The following TRHDE variants were observed in gnomAD, a reference collection of about 807,000 sequenced individuals.
TRHDE encodes thyrotropin releasing hormone degrading enzyme.
In TRHDE, 72 loss-of-function variants were observed where a neutral mutation model predicts 125.7. The ratio of observed to expected loss-of-function variants is 0.57; its 90% CI spans 0.47 to 0.70. TRHDE has a LOEUF of 0.70. Among genes scored for constraint, TRHDE ranks in the 30% least tolerant of loss-of-function variants. TRHDE has a pLI of 0.00. For synonymous variants in TRHDE, 509 were observed against 509.1 expected, an observed-to-expected ratio of 1.00 and a Z score of 0.00; for missense variants, 1,110 against 1,327.1, an observed-to-expected ratio of 0.84 and a Z score of 2.54.
intron 6 of TRHDE, among the ~76,000 whole-genome samples, chr12:72,533,535 A>G (rs1868673499): frequency 6.6e-6 from 1 of 151,770 alleles, no homozygotes; most frequent in Non-Finnish European, 1.5e-5. Context: ...GAATATTCTT[A>G]TTTTAGTTTT....
intron 3 of TRHDE, among the ~76,000 whole-genome samples, chr12:72,392,169 A>G (rs185632505): frequency 2.0e-5 from 3 of 152,148 alleles, no homozygotes; most frequent in African/African-American, 7.2e-5. Context: ...CTATAAGAAA[A>G]TACATTTCTA....
chr12:72,129,222 A>T (rs532298824), intron 2 of TRHDE, among the ~76,000 whole-genome samples: 1 of 152,222 alleles, frequency 6.6e-6, no homozygotes, highest in African/African-American at 2.4e-5. Context: ...AAAGCTAAAA[A>T]AATTTATCAC....
At chr12:72,265,618 C>A (rs1879049429) in intron 2 of TRHDE, among the ~76,000 whole-genome samples, 1 of 149,364 alleles carries the variant, frequency 6.7e-6, no homozygotes, top group Non-Finnish European at 1.5e-5. Context: ...AGATCTAGTA[C>A]CTGAAGAAAA....
rs1869612489 is a variant in TRHDE, at chr12:72,331,825, G to C, written c.1188+44871G>C. Reference sequence around the variant, plus strand: ...TTGAATGACTAGAATGAGAAGCTGGGTTTAGAAATGATTTGACCAACTCTA... The same window carrying C: ...TTGAATGACTAGAATGAGAAGCTGGCTTTAGAAATGATTTGACCAACTCTA... On this transcript the variant is annotated intron_variant, in intron 2 of 18. Transcript: ENST00000261180. Among the ~76,000 whole-genome samples the C allele has an allele frequency of 2.0e-5, 3 of 152,188 alleles. No homozygotes were observed. The South Asian group carries it at 6.2e-4, about 32-fold the overall frequency.
chr12:72,338,863 G>C (rs1254105327), intron 2 of TRHDE, among the ~76,000 whole-genome samples: 1 of 152,092 alleles, frequency 6.6e-6, no homozygotes, highest in African/African-American at 2.4e-5. Context: ...TCAAGATATC[G>C]TAATCAACAT....
intron 2 of TRHDE, among the ~76,000 whole-genome samples, chr12:72,244,535 T>A (rs1460666927): frequency 6.8e-6 from 1 of 147,508 alleles, no homozygotes; most frequent in East Asian, 2.0e-4. Context: ...CTTTTTTGTT[T>A]GCTAATTATA....
At position 72,515,487 on chromosome 12, in the gene TRHDE, CTGTT is replaced by C. The variant is rs1259860585; in HGVS notation, c.1722+15858_1722+15861del. ...TTTGCTCACTTTTTGATGGGGATGTCTGTTTGTTTTTTTTGTAAATTTGTTTGAC... is the reference window on the plus strand; with the variant it reads ...TTTGCTCACTTTTTGATGGGGATGTCTGTTTTTTTTGTAAATTTGTTTGAC... On this transcript the variant is annotated intron_variant, in intron 6 of 18. Transcript: ENST00000261180. Among the ~76,000 whole-genome samples, 11 of 151,930 alleles carry C rather than the reference CTGTT, an allele frequency of 7.2e-5. 1 individual carries two copies. The highest frequency in any genetic ancestry group is 1.9e-4 in the East Asian group (1 of 5,146).
intron 6 of TRHDE, among the ~76,000 whole-genome samples, chr12:72,502,639 T>C (rs747205838): frequency 6.6e-6 from 1 of 152,118 alleles, no homozygotes; most frequent in Non-Finnish European, 1.5e-5. Context: ...TAGTGTTAGC[T>C]AGAGTGTTCT....
At chr12:72,526,703 A>T (rs1308814800) in intron 6 of TRHDE, among the ~76,000 whole-genome samples, 1 of 152,128 alleles carries the variant, frequency 6.6e-6, no homozygotes, top group East Asian at 1.9e-4. Flanking sequence ...GTTATGTTTC[A>T]GCTGAATGTA....
At chr12:72,567,658 C>A (rs186026527) in intron 9 of TRHDE, among the ~76,000 whole-genome samples, 3 of 152,074 alleles carry the variant, frequency 2.0e-5, no homozygotes, top group Admixed American at 2.0e-4. Flanking sequence ...TCTTGTCTTA[C>A]ATTTCTAAAA....
intron 3 of TRHDE, among the ~76,000 whole-genome samples, chr12:72,410,456 A>G (rs1358527519): frequency 6.6e-6 from 1 of 152,156 alleles, no homozygotes; most frequent in Non-Finnish European, 1.5e-5. Flanking sequence ...AGGTAAAATC[A>G]TAGGTCTTTC....
chr12:72,598,334 G>A (rs927595769), intron 12 of TRHDE, among the ~76,000 whole-genome samples: 3 of 152,144 alleles, frequency 2.0e-5, no homozygotes, highest in African/African-American at 7.2e-5. Flanking sequence ...GGAGTAGATA[G>A]TTTTGCCACA....
intron 2 of TRHDE, among the ~76,000 whole-genome samples, chr12:72,116,413 C>G (rs1875445011): frequency 6.6e-6 from 1 of 152,038 alleles, no homozygotes; most frequent in Non-Finnish European, 1.5e-5. Context: ...ATTTCTGGTT[C>G]TAGATACTTG....
chr12:72,343,003 T>G (rs764361776), intron 2 of TRHDE, among the ~76,000 whole-genome samples: 1 of 152,164 alleles, frequency 6.6e-6, no homozygotes, highest in Non-Finnish European at 1.5e-5. Context: ...ATCGTGTAAC[T>G]AAGCAAACTG....
At chr12:72,356,158 A>G (rs750148575) in intron 2 of TRHDE, among the ~76,000 whole-genome samples, 6 of 151,808 alleles carry the variant, frequency 4.0e-5, no homozygotes, top group Non-Finnish European at 8.8e-5. Flanking sequence ...TCAATAGTAT[A>G]CTGGATAGAG....
chr12:72,401,114 G>T (rs952274763), intron 3 of TRHDE, among the ~76,000 whole-genome samples: 1 of 152,096 alleles, frequency 6.6e-6, no homozygotes, highest in Non-Finnish European at 1.5e-5. Context: ...ATGAGAGAAT[G>T]ATTTTTAACC....
chr12:72,323,799 G>A (rs1223568398), intron 2 of TRHDE, among the ~76,000 whole-genome samples: 2 of 151,058 alleles, frequency 1.3e-5, no homozygotes, highest in Non-Finnish European at 3.0e-5. Context: ...TCATGGATGG[G>A]GTTCTTGCAA....
At chr12:72,234,205 T>C (rs1878299360) in intron 2 of TRHDE, among the ~76,000 whole-genome samples, 1 of 152,186 alleles carries the variant, frequency 6.6e-6, no homozygotes, top group South Asian at 2.1e-4. Flanking sequence ...AATATTTAAA[T>C]GTCGAGTATA....
intron 3 of TRHDE, among the ~76,000 whole-genome samples, chr12:72,410,619 T>C (rs926118519): frequency 3.3e-5 from 5 of 152,244 alleles, no homozygotes; most frequent in African/African-American, 1.2e-4. Flanking sequence ...AGAGAAAATA[T>C]ATGATTCTTT....
Sources: allele counts gnomAD v4.1 joint callset (sites outside exome capture counted in the v4.1 genomes callset), GRCh38; gene constraint gnomAD v4.1.1; transcripts MANE v1.5; gene names NCBI Gene and HGNC (gene_info 2026-07-23, HGNC 2026-07-21).